The following CTBP2 variants were observed in gnomAD, a reference collection of about 807,000 sequenced individuals.
The protein encoded by CTBP2 is C-terminal-binding protein 2.
Under a neutral mutation model 80.3 loss-of-function variants are expected in CTBP2, and 30 were observed. The ratio of observed to expected loss-of-function variants is 0.37; its 90% CI spans 0.28 to 0.51. The LOEUF is 0.51. Among genes scored for constraint, CTBP2 ranks in the 20% least tolerant of loss-of-function variants. The pLI is 0.93. For synonymous variants in CTBP2, 594 were observed against 587.4 expected (o/e 1.01, Z -0.16); for missense variants, 1,212 against 1,375.3 (o/e 0.88, Z 1.88).
At chr10:125,106,855 A>T (rs902366675) in intron 2 of CTBP2, among the ~76,000 whole-genome samples, 1 of 152,256 alleles carries the variant, frequency 6.6e-6, no homozygotes. Flanking sequence ...AAACAACAGT[A>T]ACAGCAGAAA....
intron 1 of CTBP2, among the ~76,000 whole-genome samples, chr10:125,010,164 C>G (rs964116619): frequency 1.5e-5 from 2 of 130,164 alleles, no homozygotes; most frequent in African/African-American, 3.0e-5. Context: ...GGAGCAGCTT[C>G]AAGGCATAAT....
At chr10:125,038,956 GACT>G (rs1303166145) in intron 3 of CTBP2, 38 bp downstream of exon 3, 1 of 1,598,378 alleles carries the variant, frequency 6.3e-7, no homozygotes, top group African/African-American at 1.3e-5. Context: ...TTGAGTGAGG[GACT>G]ACGTATGTTT....
At chr10:125,069,818 C>T (rs758635992) in intron 2 of CTBP2, among the ~76,000 whole-genome samples, 13 of 151,974 alleles carry the variant, frequency 8.6e-5, no homozygotes, top group Non-Finnish European at 1.5e-4. Context: ...CTCCCCAACT[C>T]CACCACCATC....
chr10:125,154,539 T>A (rs1210290802), intron 1 of CTBP2, among the ~76,000 whole-genome samples: 2 of 152,256 alleles, frequency 1.3e-5, no homozygotes, highest in Non-Finnish European at 2.9e-5. Context: ...AACCATCTGT[T>A]AAATTTAGTT....
chr10:125,036,701 GTGTGTGTGTGTGTGTT>G lies in CTBP2; in HGVS notation c.58+2280_58+2295del, dbSNP rs1234307829. ...TGTGTGTGTGTGTGTGTGTGTGTGT[GTGTGTGTGTGTGTGTT>G]TGTGTGTGTTAGATGTTCAAGGCCT... On this transcript the variant is annotated intron_variant, in intron 3 of 10. Coordinates refer to the CTBP2 transcript ENST00000337195. Among the ~76,000 whole-genome samples, 243 of 108,528 alleles carry G rather than the reference GTGTGTGTGTGTGTGTT, an allele frequency of 2.2e-3. 1 individual carries two copies. The highest frequency in any genetic ancestry group is 0.011 in the Middle Eastern group (2 of 190). 71.2% of individuals were successfully genotyped at this position (108,528 alleles called of 152,430 possible). A position where few individuals can be genotyped will look rare whatever the true frequency, so the allele number is the denominator to read the frequency against.
At chr10:125,041,516 C>CG (rs1959796647) in intron 2 of CTBP2, among the ~76,000 whole-genome samples, 1 of 128,606 alleles carries the variant, frequency 7.8e-6, no homozygotes, top group Non-Finnish European at 1.7e-5. Flanking sequence ...CCCCCCCCCC[C>CG]CCACCCACAA....
intron 1 of CTBP2, among the ~76,000 whole-genome samples, chr10:125,131,969 G>T (rs1035698737): frequency 2.6e-5 from 4 of 152,166 alleles, no homozygotes; most frequent in African/African-American, 9.7e-5. Context: ...GACAGCTGGT[G>T]GTCTCTGCCA....
chr10:125,068,887 C>A (rs1845036146), intron 2 of CTBP2, among the ~76,000 whole-genome samples: 1 of 152,206 alleles, frequency 6.6e-6, no homozygotes, highest in African/African-American at 2.4e-5. Flanking sequence ...GTCTCCGAGG[C>A]CCCACTCTCC....
chr10:125,036,668 G>GGGGTGTGT (rs1258371613), intron 3 of CTBP2, among the ~76,000 whole-genome samples: 5 of 119,350 alleles, frequency 4.2e-5, no homozygotes, highest in African/African-American at 1.5e-4. Context: ...AGCTAGAGGG[G>GGGGTGTGT]GTGTGTGTGT....
rs1209996022 is a variant in CTBP2, at chr10:125,098,655, GGGGAGAGAGA to G, written c.-102+12325_-102+12334del. ...GTGAACAGAGAGAGAAATGGGGGAG[GGGGAGAGAGA>G]GAGAGAGAGAGAGAGAGAGAGAGAG... On this transcript the variant is annotated intron_variant, in intron 2 of 10. Transcript: ENST00000337195. Among the ~76,000 whole-genome samples the G allele has an allele frequency of 8.6e-3, 213 of 24,770 alleles. 2 individuals are homozygous for G. The highest frequency in any genetic ancestry group is 0.031 in the Admixed American group (93 of 3,048). 16.3% of individuals were successfully genotyped at this position (24,770 alleles called of 152,430 possible).
At chr10:124,994,120 A>G in intron 5 of CTBP2, 135 bp from the exon 8 acceptor site, 1 of 1,246,284 alleles carries the variant, frequency 8.0e-7, no homozygotes, top group Non-Finnish European at 1.1e-6. Context: ...GTTTGAGGGA[A>G]GGGAGTGGGA....
intron 1 of CTBP2, among the ~76,000 whole-genome samples, chr10:125,149,547 G>C (rs1859436871): frequency 6.6e-6 from 1 of 152,134 alleles, no homozygotes; most frequent in African/African-American, 2.4e-5. Context: ...CAAAGGCCAA[G>C]ATGGAGGCGG....
chr10:125,093,303 G>C (rs755173021), intron 2 of CTBP2, among the ~76,000 whole-genome samples: 1 of 152,196 alleles, frequency 6.6e-6, no homozygotes, highest in Non-Finnish European at 1.5e-5. Flanking sequence ...CAGAAGGCAG[G>C]CTTAATCACT....
Position 125,027,291 on chromosome 10 carries a change from C to CA in CTBP2, c.468dup (p.Ala157CysfsTer15). On this transcript the variant is annotated frameshift_variant, in exon 1 of 9. Transcript: ENST00000309035. LOFTEE classifies it high-confidence loss of function. ...TACAGGTGACCGGCGTCCTGCAGGG[C>CA]AGGTGACCGGCCTTGCATTGGATCC... The CA allele has an allele frequency of 6.2e-7, 1 of 1,613,750 alleles. No homozygotes were observed. Among genetic ancestry groups the CA allele is most frequent in the East Asian group, 2.2e-5 (1 of 44,872 alleles).
At chr10:125,109,165 T>A (rs559005867) in intron 2 of CTBP2, among the ~76,000 whole-genome samples, 42 of 152,362 alleles carry the variant, frequency 2.8e-4, no homozygotes, top group African/African-American at 9.9e-4. Context: ...TACACCAAGT[T>A]CCCACATCCT....
chr10:124,994,684 C>T lies in CTBP2; in HGVS notation c.2186-1G>A. On this transcript the variant is annotated splice_acceptor_variant, in intron 4 of 8. Coordinates refer to ENST00000309035, the MANE Select transcript of CTBP2 (RefSeq NM_022802.3). LOFTEE classifies it high-confidence loss of function. ...ACTGCAACCGCCTGCCCCGTGCGACCTGTACAGAAACAGAGCGTCCAGGTG... is the reference window on the plus strand; with the variant it reads ...ACTGCAACCGCCTGCCCCGTGCGACTTGTACAGAAACAGAGCGTCCAGGTG... 1 of 1,614,230 alleles carries T rather than the reference C, an allele frequency of 6.2e-7. No homozygotes were observed. Among genetic ancestry groups the T allele is most frequent in the Non-Finnish European group, 8.5e-7 (1 of 1,180,036 alleles).
At chr10:125,136,602 C>T (rs1857008292) in intron 1 of CTBP2, among the ~76,000 whole-genome samples, 1 of 152,186 alleles carries the variant, frequency 6.6e-6, no homozygotes, top group Non-Finnish European at 1.5e-5. Flanking sequence ...CCCATGGAGC[C>T]CATTCTTGCA....
At chr10:124,993,108 C>T in intron 7 of CTBP2, 94 bp downstream of exon 9, 4 of 1,453,132 alleles carry the variant, frequency 2.8e-6, no homozygotes, top group Non-Finnish European at 3.7e-6. Context: ...TGAATTCTAC[C>T]TGTCGAGAGC....
chr10:125,113,489 T>C (rs910174451), intron 1 of CTBP2, among the ~76,000 whole-genome samples: 1 of 152,258 alleles, frequency 6.6e-6, no homozygotes, highest in Non-Finnish European at 1.5e-5. Context: ...TCCTGATTAG[T>C]GTTGCTTGTC....
Sources: gnomAD v4.1 joint callset for allele counts (sites outside exome capture counted in the v4.1 genomes callset) on GRCh38, gnomAD v4.1.1 for gene constraint, MANE v1.5 for transcripts, NCBI Gene and HGNC (gene_info 2026-07-23, HGNC 2026-07-21) for gene names.